LETM1: variants seen among roughly 807,000 people sequenced by gnomAD.
The protein encoded by LETM1 is leucine zipper and EF-hand containing transmembrane protein 1.
LETM1 carries 50 observed loss-of-function variants against 74.5 expected under a neutral mutation model. That is an observed-to-expected ratio of 0.67 (90% CI 0.53 to 0.85). The LOEUF (loss-of-function observed/expected upper bound fraction) is 0.85, where lower values mean the gene tolerates loss of function less well. Among genes scored for constraint, LETM1 ranks in the 40% least tolerant of loss-of-function variants. The probability of loss-of-function intolerance (pLI) is 0.00; values close to 1 mark genes in which losing one functional copy is unlikely to be tolerated. For missense variants in LETM1, 824 were observed against 967.8 expected, an observed-to-expected ratio of 0.85 and a Z score of 1.97; for synonymous variants, 446 against 407.1, an observed-to-expected ratio of 1.10 and a Z score of -1.15.
intron 2 of LETM1, among the ~76,000 whole-genome samples, chr4:1,844,077 C>T (rs946109891): frequency 2.0e-5 from 3 of 152,168 alleles, no homozygotes; most frequent in Admixed American, 1.3e-4. Context: ...CCAGCAGTCA[C>T]GGGGTGTCGA....
rs367888568 is a variant in LETM1 at position 1,821,516 on chromosome 4, C to T, written c.1608+665G>A. Among the ~76,000 whole-genome samples, 12 of 151,980 alleles carry T rather than the reference C, an allele frequency of 7.9e-5. No homozygotes were observed. In the South Asian group the frequency reaches 2.5e-3, roughly 32 times the overall value. On this transcript the variant is annotated intron_variant, in intron 10 of 13. Coordinates refer to ENST00000302787, the MANE Select transcript of LETM1 (RefSeq NM_012318.3). ...CCAGCCTGGCTAACATGGTGAAACC[C>T]CCTGTCTACTAAAAATACAAAAATT... is the stretch of plus-strand genomic sequence containing the variant.
intron 5 of LETM1, chr4:1,833,751 G>A (rs1178047886): frequency 6.6e-6 from 1 of 152,344 alleles, no homozygotes; most frequent in African/African-American, 2.4e-5. Flanking sequence ...GGTGACAGAT[G>A]AGGGAGGACG....
chr4:1,822,787 G>A, intron 9 of LETM1: 2 of 432,680 alleles, frequency 4.6e-6, no homozygotes, highest in Non-Finnish European at 7.7e-6. Context: ...CACCACTGTG[G>A]CCATCGGGGA....
chr4:1,832,993 C>A (rs6832340), intron 5 of LETM1, 46 bp from the exon 6 acceptor site: 61 of 1,583,270 alleles, frequency 3.9e-5, no homozygotes, highest in Non-Finnish European at 5.2e-5. Flanking sequence ...CGCGCCCACC[C>A]GGCTCCCTCC....
In LETM1 at chr4:1,841,612, G is replaced by T. The variant is rs1712697835; in HGVS notation, c.329C>A (p.Ser110Tyr). ...CGAGTCATCGCGAACAGGGCGCGAA[G>T]AGTGCCAGCCACGCACAGGAAGGCA... ...PQCLPVRGWH[S>Y]SRPVRDDSVV... Residue 110 changes from serine (S) to tyrosine (Y), a missense_variant, in exon 3 of 14, where the codon TCT becomes TAT. This residue lies in a region of LETM1 where 222 missense variants were observed against 195.6 expected (regional missense o/e 1.14). Coordinates refer to ENST00000302787, the MANE Select transcript of LETM1 (RefSeq NM_012318.3). 10 of 1,614,218 alleles carry T rather than the reference G, an allele frequency of 6.2e-6. No homozygotes were observed. In the South Asian group the frequency reaches 1.1e-4, roughly 18 times the overall value.
chr4:1,816,822 C>T lies in LETM1; in HGVS notation c.1836G>A (p.Val612=). The change falls in exon 12 of 14, where the codon GTG becomes GTA. Residue 612 remains valine, a synonymous_variant. Transcript: ENST00000302787. The stretch of plus-strand genomic sequence containing the variant: ...CATCGATCTGCCCGATCATTTGCTG[C>T]ACCCTTTTTGTCAATCTCTTGCTGG... ...SKASKRLTKR[V]QQMIGQIDGL... 6 of 1,614,226 alleles carry T rather than the reference C, an allele frequency of 3.7e-6. No individual in the cohort carries two copies. Among genetic ancestry groups the T allele is most frequent in the South Asian group, 1.1e-5 (1 of 91,084 alleles).
intron 1 of LETM1, among the ~76,000 whole-genome samples, chr4:1,849,595 TG>T (rs1282287040): frequency 6.6e-6 from 1 of 152,128 alleles, no homozygotes; most frequent in Non-Finnish European, 1.5e-5. Flanking sequence ...TATTTGACTT[TG>T]CCCAGGCTGG....
intron 3 of LETM1, among the ~76,000 whole-genome samples, chr4:1,840,396 G>C (rs1376644032): frequency 2.0e-5 from 3 of 150,060 alleles, no homozygotes; most frequent in Non-Finnish European, 4.4e-5. Context: ...GGTTGGGCGC[G>C]GTGGTTCACG....
intron 10 of LETM1, among the ~76,000 whole-genome samples, chr4:1,819,933 G>C (rs919137762): frequency 6.6e-6 from 1 of 151,014 alleles, no homozygotes. Flanking sequence ...CCCTGTGGTC[G>C]TGTGTTTCTT....
chr4:1,839,291 A>G (rs1434388002), intron 3 of LETM1: 1 of 152,200 alleles, frequency 6.6e-6, no homozygotes, highest in African/African-American at 2.4e-5. Context: ...AAATAAAAAC[A>G]ACTCACCCAG....
rs776773150 is a variant in LETM1 at position 1,823,195 on chromosome 4, CCT to C, written c.1333-66_1333-65del. 4.9e-4 allele frequency: 738 copies of C among 1,519,138 alleles called. 7 individuals are homozygous for C. The highest frequency in any genetic ancestry group is 1.0e-4 in the Non-Finnish European group (113 of 1,127,356). 94.1% of individuals were successfully genotyped at this position (1,519,138 alleles called of 1,614,324 possible). ...CACCAGAGGCCCCTGCTGCCCCTCA[CCT>C]CTGTCCTGTGTCCTGTGTCCCCTGC... On this transcript the variant is annotated intron_variant, in intron 8 of 13. Coordinates refer to ENST00000302787, the MANE Select transcript of LETM1 (RefSeq NM_012318.3).
intron 11 of LETM1, among the ~76,000 whole-genome samples, chr4:1,819,083 C>T (rs992396193): frequency 1.5e-5 from 1 of 65,748 alleles, no homozygotes; most frequent in African/African-American, 5.9e-5. Flanking sequence ...GACCTTCTTA[C>T]AAAAAAAAAA....
intron 1 of LETM1, among the ~76,000 whole-genome samples, chr4:1,850,560 G>A (rs1424876403): frequency 6.7e-6 from 1 of 150,032 alleles, no homozygotes; most frequent in Non-Finnish European, 1.5e-5. Flanking sequence ...CAGCACAGAC[G>A]TGAACCCGGG....
At chr4:1,847,329 A>G (rs577198118) in intron 2 of LETM1, among the ~76,000 whole-genome samples, 1 of 152,010 alleles carries the variant, frequency 6.6e-6, no homozygotes. Context: ...CAATGAACAG[A>G]ATGAGATCCT....
Position 1,822,243 on chromosome 4 carries a change from G to A in LETM1, c.1546C>T (p.Pro516Ser). 2 of 1,547,934 alleles carry A rather than the reference G, an allele frequency of 1.3e-6. No homozygotes were observed. The highest frequency in any genetic ancestry group is 8.8e-7 in the Non-Finnish European group (1 of 1,140,168). Reference sequence around the variant, plus strand: ...GTCTCTGACTGCAGGACTGTGTCAGGCATTTCTGGCTGTGGCTCGGTCCCC... The same window carrying A: ...GTCTCTGACTGCAGGACTGTGTCAGACATTTCTGGCTGTGGCTCGGTCCCC... The part of the protein sequence containing the change: ...RPGTEPQPEM[P>S]DTVLQSETLK... The change falls in exon 10 of 14, where the codon CCT (proline) becomes TCT (serine). Residue 516 changes from proline to serine, a missense_variant. Coordinates refer to ENST00000302787, the MANE Select transcript of LETM1 (RefSeq NM_012318.3).
intron 12 of LETM1, 27 bp from the exon 13 acceptor site, chr4:1,815,829 C>T: frequency 6.2e-7 from 1 of 1,609,872 alleles, no homozygotes; most frequent in Non-Finnish European, 8.5e-7. Flanking sequence ...TGCATGTGGC[C>T]ACGGGCAGGC....
chr4:1,834,248 A>G lies in LETM1; in HGVS notation c.876+597T>C, dbSNP rs555922753. The G allele has an allele frequency of 3.0e-4, 81 of 270,540 alleles. No individual in the cohort carries two copies. Among genetic ancestry groups the G allele is most frequent in the Non-Finnish European group, 6.8e-5 (12 of 176,110 alleles). The allele number at this position is 270,540 out of a possible 1,614,324, so 16.8% of individuals were successfully genotyped here. A position where few individuals can be genotyped will look rare whatever the true frequency, so the allele number is the denominator to read the frequency against. On this transcript the variant is annotated intron_variant, in intron 5 of 13. Transcript: ENST00000302787. This position sits in a 1 kb window ranked among gnomAD's most constrained non-coding sequence, Gnocchi z 5.0. ...TTTAAGCTCTTCCTGCACTTCAGAC[A>G]CATCCTTCTCACTCCAAAGTGGCAC...
rs562864428 is a variant in LETM1 at position 1,823,632 on chromosome 4, G to A, written c.1332+12C>T. 9.0e-5 allele frequency: 145 copies of A among 1,613,168 alleles called. 2 individuals are homozygous for A. The South Asian group carries it at 1.1e-3, about 12-fold the overall frequency. On this transcript the variant is annotated intron_variant, in intron 8 of 13. Coordinates refer to ENST00000302787, the MANE Select transcript of LETM1 (RefSeq NM_012318.3). ...AAGAGATGAGGTAAAAGGGGTCTCC[G>A]ACAGCACGTACCACAATCTCTGGGA...
chr4:1,834,263 C>T lies in LETM1; in HGVS notation c.876+582G>A. The T allele has an allele frequency of 2.6e-6, 1 of 377,460 alleles. No homozygotes were observed. Among genetic ancestry groups the T allele is most frequent in the Non-Finnish European group, 3.6e-6 (1 of 274,110 alleles). 23.4% of individuals were successfully genotyped at this position (377,460 alleles called of 1,614,324 possible). Reference sequence around the variant, plus strand: ...CACTTCAGACACATCCTTCTCACTCCAAAGTGGCACAAGTCCCTCAAGCCA... The same window carrying T: ...CACTTCAGACACATCCTTCTCACTCTAAAGTGGCACAAGTCCCTCAAGCCA... On this transcript the variant is annotated intron_variant, in intron 5 of 13. Coordinates refer to ENST00000302787, the MANE Select transcript of LETM1 (RefSeq NM_012318.3). This position sits in a 1 kb window ranked among gnomAD's most constrained non-coding sequence, Gnocchi z 5.0.
Sources: allele counts gnomAD v4.1 joint callset (sites outside exome capture counted in the v4.1 genomes callset), GRCh38; gene constraint gnomAD v4.1.1; regional missense constraint gnomAD v4.1.1; non-coding constraint Gnocchi (gnomAD v3.1); transcripts MANE v1.5; gene names NCBI Gene and HGNC (gene_info 2026-07-23, HGNC 2026-07-21).